WASF2: variants seen among roughly 807,000 people sequenced by gnomAD.
WASF2 encodes the protein actin-binding protein WASF2.
In WASF2, 14 loss-of-function variants were observed where a neutral mutation model predicts 45.0. The observed-to-expected ratio is 0.31, with a 90% CI of 0.21 to 0.49. The LOEUF (loss-of-function observed/expected upper bound fraction) is 0.49, where lower values mean the gene tolerates loss of function less well. Among genes scored for constraint, WASF2 ranks in the 20% least tolerant of loss-of-function variants. The pLI, the probability that WASF2 is intolerant of heterozygous loss-of-function variation, is 0.99. For missense variants in WASF2, 439 were observed against 636.1 expected (o/e 0.69, Z 3.33); for synonymous variants, 200 against 236.3 (o/e 0.85, Z 1.41).
At chr1:27,420,362 T>A (rs183716356) in intron 2 of WASF2, among the ~76,000 whole-genome samples, 1 of 152,240 alleles carries the variant, frequency 6.6e-6, no homozygotes, top group East Asian at 1.9e-4. Context: ...AAAAGAAAAG[T>A]TCCGTACTTT....
At chr1:27,419,280 C>G (rs538204162) in intron 2 of WASF2, among the ~76,000 whole-genome samples, 192 bp from the exon 3 acceptor site, 1 of 152,310 alleles carries the variant, frequency 6.6e-6, no homozygotes, top group South Asian at 2.1e-4. Flanking sequence ...GTTTAGGAAG[C>G]CTGCATATGT....
rs2017570901 is a variant in WASF2, at chr1:27,463,319, C to A, written c.-44+26667G>T. Among the ~76,000 whole-genome samples the A allele has an allele frequency of 2.0e-5, 3 of 152,214 alleles. No homozygotes were observed. In the South Asian group the frequency reaches 6.2e-4, roughly 32 times the overall value. On this transcript the variant is annotated intron_variant, in intron 1 of 8. Transcript: ENST00000618852. ...TAGAAACTCAGGGTCTTCACATCTG[C>A]AGTGGTACTGCTATAAAACTGTGAT...
intron 1 of WASF2, among the ~76,000 whole-genome samples, chr1:27,456,053 T>G (rs1307597795): frequency 1.3e-5 from 2 of 152,146 alleles, no homozygotes; most frequent in Non-Finnish European, 2.9e-5. Flanking sequence ...ATGGGTGCAG[T>G]GGCTCACACC....
At chr1:27,429,674 G>A (rs2017035068) in intron 1 of WASF2, among the ~76,000 whole-genome samples, 1 of 151,896 alleles carries the variant, frequency 6.6e-6, no homozygotes, top group African/African-American at 2.4e-5. Context: ...TACTGAGGAG[G>A]CTGAGGCAGG....
At chr1:27,421,913 T>A (rs2016913141) in intron 2 of WASF2, among the ~76,000 whole-genome samples, 1 of 151,870 alleles carries the variant, frequency 6.6e-6, no homozygotes, top group South Asian at 2.1e-4. Flanking sequence ...GAGGCAGAGG[T>A]TGCAGTGAGC....
At position 27,447,011 on chromosome 1, in the gene WASF2, A is replaced by G. The variant is rs551857386; in HGVS notation, c.-43-18078T>C. Reference sequence around the variant, plus strand: ...TGGTGACCAATGGTAAATAAATTGCATAGCTAAATCTCTATCAACTGCCTT... The same window carrying G: ...TGGTGACCAATGGTAAATAAATTGCGTAGCTAAATCTCTATCAACTGCCTT... On this transcript the variant is annotated intron_variant, in intron 1 of 8. Transcript: ENST00000618852. Among the ~76,000 whole-genome samples the G allele has an allele frequency of 3.9e-5, 6 of 152,246 alleles. No homozygotes were observed. The East Asian group carries it at 1.2e-3, about 29-fold the overall frequency.
In WASF2 at chr1:27,448,929, C is replaced by T. The variant is rs182281468; in HGVS notation, c.-43-19996G>A. Among the ~76,000 whole-genome samples, 446 of 151,808 alleles carry T rather than the reference C, an allele frequency of 2.9e-3. 2 individuals carry two copies. The highest frequency in any genetic ancestry group is 9.7e-3 in the African/African-American group (402 of 41,370). On this transcript the variant is annotated intron_variant, in intron 1 of 8. Transcript: ENST00000618852. The stretch of plus-strand genomic sequence containing the variant: ...CCTGTCACATTCTCATACACATATA[C>T]CTTTCTTTGCAGTCCTACAGACCTT...
At chr1:27,487,114 T>G (rs1373685786) in intron 1 of WASF2, among the ~76,000 whole-genome samples, 1 of 147,212 alleles carries the variant, frequency 6.8e-6, no homozygotes, top group Non-Finnish European at 1.5e-5. Flanking sequence ...GAGAGATTTT[T>G]TTTTGAGACG....
chr1:27,440,455 G>A (rs544864238), intron 1 of WASF2, among the ~76,000 whole-genome samples: 1 of 151,944 alleles, frequency 6.6e-6, no homozygotes, highest in African/African-American at 2.4e-5. Flanking sequence ...CCAGGAGGTC[G>A]AGGCTGCAGT....
chr1:27,412,787 C>T lies in WASF2; in HGVS notation c.669-60G>A, dbSNP rs1008834820. 3.8e-6 allele frequency: 6 copies of T among 1,594,876 alleles called. No individual in the cohort carries two copies. In the African/African-American group the frequency reaches 8.1e-5, roughly 21 times the overall value. ...AAAGAGCCTGAGTGGGTTTTTTCTT[C>T]TTAAAAGGTACTACAAAAATGCATT... On this transcript the variant is annotated intron_variant, in intron 6 of 8. Coordinates refer to ENST00000618852, the MANE Select transcript of WASF2 (RefSeq NM_006990.5).
At chr1:27,423,793 T>C (rs1024313255) in intron 2 of WASF2, among the ~76,000 whole-genome samples, 1 of 152,208 alleles carries the variant, frequency 6.6e-6, no homozygotes, top group African/African-American at 2.4e-5. Context: ...TACGTGGAAG[T>C]AGAACAGGTA....
chr1:27,483,851 G>A (rs1335099915), intron 1 of WASF2, among the ~76,000 whole-genome samples: 1 of 151,760 alleles, frequency 6.6e-6, no homozygotes, highest in South Asian at 2.1e-4. Context: ...TATTTGGGAG[G>A]CTAAGGCAAG....
chr1:27,410,350 T>C lies in WASF2; in HGVS notation c.825-144A>G. 1 of 1,430,626 alleles carries C rather than the reference T, an allele frequency of 7.0e-7. No individual in the cohort carries two copies. Among genetic ancestry groups the C allele is most frequent in the Non-Finnish European group, 9.2e-7 (1 of 1,085,542 alleles). 88.6% of individuals were successfully genotyped at this position (1,430,626 alleles called of 1,614,324 possible). On this transcript the variant is annotated intron_variant, in intron 7 of 8. Coordinates refer to ENST00000618852, the MANE Select transcript of WASF2 (RefSeq NM_006990.5). This position sits in a 1 kb window ranked among gnomAD's most constrained non-coding sequence, Gnocchi z 4.2. ...TTAAACAGAAAGAAAAGCCTACAGA[T>C]GGTCATAACAGACCAATAATGAAAT...
intron 1 of WASF2, among the ~76,000 whole-genome samples, chr1:27,469,385 C>A (rs1286188004): frequency 6.6e-6 from 1 of 152,042 alleles, no homozygotes; most frequent in East Asian, 1.9e-4. Flanking sequence ...ATAAAAACTT[C>A]TTGTAGCTTT....
chr1:27,459,827 T>C (rs1023798182), intron 1 of WASF2, among the ~76,000 whole-genome samples: 1 of 152,170 alleles, frequency 6.6e-6, no homozygotes, highest in Non-Finnish European at 1.5e-5. Context: ...ACATACTGTA[T>C]AAGGAAGCAA....
At chr1:27,473,455 CAAAAAAAA>C (rs752426888) in intron 1 of WASF2, among the ~76,000 whole-genome samples, 1 of 49,752 alleles carries the variant, frequency 2.0e-5, no homozygotes, top group East Asian at 5.7e-4. Context: ...ACTCCATGGC[CAAAAAAAA>C]AAAAAAAAAA....
At chr1:27,443,841 G>A (rs973476280) in intron 1 of WASF2, among the ~76,000 whole-genome samples, 11 of 151,844 alleles carry the variant, frequency 7.2e-5, no homozygotes, top group African/African-American at 2.2e-4. Flanking sequence ...TGCAGGGGGG[G>A]GTGATCTCAG....
intron 1 of WASF2, among the ~76,000 whole-genome samples, chr1:27,464,377 C>T (rs1251444195): frequency 3.3e-5 from 5 of 150,806 alleles, no homozygotes; most frequent in African/African-American, 4.9e-5. Flanking sequence ...AAGAGGAAAA[C>T]GGTCTCAAAA....
At chr1:27,442,276 T>C (rs1381219658) in intron 1 of WASF2, among the ~76,000 whole-genome samples, 2 of 152,198 alleles carry the variant, frequency 1.3e-5, no homozygotes, top group East Asian at 1.9e-4. Context: ...CTGGGCGCAG[T>C]GGCTCACACC....
Sources: gnomAD v4.1 joint callset for allele counts (sites outside exome capture counted in the v4.1 genomes callset) on GRCh38, gnomAD v4.1.1 for gene constraint, Gnocchi (gnomAD v3.1) non-coding constraint, MANE v1.5 for transcripts, NCBI Gene and HGNC (gene_info 2026-07-23, HGNC 2026-07-21) for gene names.